VTI1B: variants seen among roughly 807,000 people sequenced by gnomAD.
VTI1B encodes the protein vesicle transport through interaction with t-SNAREs 1B.
VTI1B carries 18 observed loss-of-function variants against 28.6 expected under a neutral mutation model. The observed-to-expected ratio is 0.63, with a 90% confidence interval of 0.43 to 0.93. The LOEUF (loss-of-function observed/expected upper bound fraction) is 0.93. Among genes scored for constraint, VTI1B ranks in the 40% least tolerant of loss-of-function variants. The pLI is 0.00. For missense variants in VTI1B, 283 were observed against 297.0 expected, an observed-to-expected ratio of 0.95 and a Z score of 0.35; for synonymous variants, 100 against 107.9, an observed-to-expected ratio of 0.93 and a Z score of 0.46.
At chr14:67,662,997 C>T in intron 1 of VTI1B, 1 of 1,393,678 alleles carries the variant, frequency 7.2e-7, no homozygotes, top group East Asian at 2.7e-5. Context: ...AACTCGTACA[C>T]TACTTTTCTG....
At chr14:67,659,215 G>A (rs1056970759) in intron 3 of VTI1B, among the ~76,000 whole-genome samples, 5 of 152,160 alleles carry the variant, frequency 3.3e-5, no homozygotes, top group Non-Finnish European at 7.3e-5. Context: ...TTCTCGAGAA[G>A]CGCCCTGCAT....
chr14:67,671,497 G>C (rs1448637736), intron 1 of VTI1B, among the ~76,000 whole-genome samples: 1 of 152,084 alleles, frequency 6.6e-6, no homozygotes, highest in African/African-American at 2.4e-5. Flanking sequence ...CTGCACTCCA[G>C]CCTGGGCGAC....
In VTI1B at chr14:67,651,225, A is replaced by G; in HGVS notation, c.*160T>C. On this transcript the variant is annotated 3_prime_UTR_variant, in exon 6 of 6. Coordinates refer to ENST00000554659, the MANE Select transcript of VTI1B (RefSeq NM_006370.3). The stretch of plus-strand genomic sequence containing the variant: ...TGTTGCTGTTGTTCCTTCACATTTA[A>G]GTGGTTTTTCATCTTTCCTCCCTCC... 7.2e-7 allele frequency: 1 copy of G among 1,390,010 alleles called. No homozygotes were observed. The highest frequency in any genetic ancestry group is 9.6e-7 in the Non-Finnish European group (1 of 1,040,468). 86.1% of individuals were successfully genotyped at this position (1,390,010 alleles called of 1,614,324 possible). A position where few individuals can be genotyped will look rare whatever the true frequency, so the allele number is the denominator to read the frequency against.
intron 1 of VTI1B, among the ~76,000 whole-genome samples, chr14:67,670,773 G>A (rs978379887): frequency 2.0e-5 from 3 of 152,110 alleles, no homozygotes; most frequent in Admixed American, 6.5e-5. Context: ...TGATCCGCCC[G>A]CCTAGGCCTC....
In VTI1B at chr14:67,651,016, C is replaced by T; in HGVS notation, c.*369G>A. The T allele has an allele frequency of 7.9e-7, 1 of 1,262,294 alleles. No individual in the cohort carries two copies. The highest frequency in any genetic ancestry group is 1.3e-5 in the South Asian group (1 of 76,988). 78.2% of individuals were successfully genotyped at this position (1,262,294 alleles called of 1,614,324 possible). ...TACTAAATGGTTGTCTGGGTCAATA[C>T]TGCCTTAATGAGAACATTTACACAT... On this transcript the variant is annotated 3_prime_UTR_variant, in exon 6 of 6. Transcript: ENST00000554659.
In VTI1B at chr14:67,647,247, GA is replaced by G; in HGVS notation, c.*4137del. 1 of 435,524 alleles carries G rather than the reference GA, an allele frequency of 2.3e-6. No homozygotes were observed. The highest frequency in any genetic ancestry group is 4.1e-6 in the Non-Finnish European group (1 of 246,132). 27.0% of individuals were successfully genotyped at this position (435,524 alleles called of 1,614,324 possible). ...TCATTGCCTAGATCTTCTGTCTCAT[GA>G]ATTTTTCTTTATCTCCATCTTTAAT... On this transcript the variant is annotated 3_prime_UTR_variant, in exon 6 of 6. Transcript: ENST00000554659.
At chr14:67,674,002 C>A (rs2037501164) in intron 1 of VTI1B, among the ~76,000 whole-genome samples, 1 of 152,196 alleles carries the variant, frequency 6.6e-6, no homozygotes, top group South Asian at 2.1e-4. Flanking sequence ...CTCTGTCAGT[C>A]TGGTGAAAAC....
rs758615579 is a variant in VTI1B at position 67,650,664 on chromosome 14, TGA to T, written c.*719_*720del. 7.7e-6 allele frequency: 12 copies of T among 1,560,462 alleles called. No individual in the cohort carries two copies. The Admixed American group carries it at 1.2e-4, about 15-fold the overall frequency. On this transcript the variant is annotated 3_prime_UTR_variant, in exon 6 of 6. Transcript: ENST00000554659. ...CCTGTCCCAGTGGGATGACCCTCAC[TGA>T]GAGTAGCAGCAAGGGAACCTGAGGT...
chr14:67,653,508 G>T lies in VTI1B; in HGVS notation c.541-10C>A. 6.2e-7 allele frequency: 1 copy of T among 1,611,456 alleles called. No homozygotes were observed. The highest frequency in any genetic ancestry group is 1.1e-5 in the South Asian group (1 of 90,992). ...CACTTGTGTTTACCAGCTGAGAAGAGAAAATAGTGATTATTTCCCTCTTTA... is the reference window on the plus strand; with the variant it reads ...CACTTGTGTTTACCAGCTGAGAAGATAAAATAGTGATTATTTCCCTCTTTA... On this transcript the variant is annotated splice_polypyrimidine_tract_variant and intron_variant, in intron 4 of 5. Coordinates refer to ENST00000554659, the MANE Select transcript of VTI1B (RefSeq NM_006370.3).
chr14:67,663,472 G>A (rs1354486061), intron 1 of VTI1B, among the ~76,000 whole-genome samples: 1 of 152,014 alleles, frequency 6.6e-6, no homozygotes, highest in Non-Finnish European at 1.5e-5. Context: ...AGGAGATCGA[G>A]ACCATCCTGC....
Position 67,674,536 on chromosome 14 carries a change from G to C in VTI1B, c.-47C>G. 6.6e-7 allele frequency: 1 copy of C among 1,510,740 alleles called. No homozygotes were observed. Among genetic ancestry groups the C allele is most frequent in the Non-Finnish European group, 8.9e-7 (1 of 1,127,236 alleles). 93.6% of individuals were successfully genotyped at this position (1,510,740 alleles called of 1,614,324 possible). A position where few individuals can be genotyped will look rare whatever the true frequency, so the allele number is the denominator to read the frequency against. On this transcript the variant is annotated 5_prime_UTR_variant, in exon 1 of 6. Transcript: ENST00000554659. ...GCGGCCACCGAGATTCGGGGCCCTG[G>C]GCCCTTTCCTAGCCCGGCGGTCAGC...
chr14:67,672,971 T>C (rs956427459), intron 1 of VTI1B, among the ~76,000 whole-genome samples: 2 of 152,234 alleles, frequency 1.3e-5, no homozygotes, highest in Non-Finnish European at 2.9e-5. Context: ...TTAAAGGCAT[T>C]TGCAGTGCTA....
At chr14:67,661,851 C>T (rs1392185297) in intron 2 of VTI1B, among the ~76,000 whole-genome samples, 7 of 152,090 alleles carry the variant, frequency 4.6e-5, no homozygotes, top group Non-Finnish European at 8.8e-5. Flanking sequence ...ATCTTAATGG[C>T]CAGCTCTTAA....
rs373093730 is a variant in VTI1B, at chr14:67,659,817, C to G, written c.280G>C (p.Glu94Gln). 145 of 1,614,030 alleles carry G rather than the reference C, an allele frequency of 9.0e-5. No homozygotes were observed. The highest frequency in any genetic ancestry group is 1.2e-4 in the Non-Finnish European group (139 of 1,180,026). ...YRKDLAKLHR[E>Q]VRSTPLTATP... Reference sequence around the variant, plus strand: ...GCTGTCAAAGGTGTGCTTCTCACCTCCCGATGGAGTTTAGCAAGGTCCTTC... The same window carrying G: ...GCTGTCAAAGGTGTGCTTCTCACCTGCCGATGGAGTTTAGCAAGGTCCTTC... Residue 94 changes from glutamate (E) to glutamine (Q), a missense_variant, in exon 3 of 6, where the codon GAG becomes CAG. Physicochemically the swap from Glu to Gln is conservative, Grantham distance 29 (BLOSUM62 2). Coordinates refer to ENST00000554659, the MANE Select transcript of VTI1B (RefSeq NM_006370.3).
At chr14:67,658,002 G>C (rs1053739182) in intron 3 of VTI1B, among the ~76,000 whole-genome samples, 3 of 152,132 alleles carry the variant, frequency 2.0e-5, no homozygotes, top group African/African-American at 4.8e-5. Context: ...ACCAGCCTCA[G>C]CCTCCCAAGG....
chr14:67,668,889 A>G (rs1397755008), intron 1 of VTI1B, among the ~76,000 whole-genome samples: 1 of 152,218 alleles, frequency 6.6e-6, no homozygotes, highest in African/African-American at 2.4e-5. Context: ...AAGGAAGACA[A>G]ACAATATACT....
chr14:67,663,469 C>T (rs1042245475), intron 1 of VTI1B, among the ~76,000 whole-genome samples: 1 of 152,008 alleles, frequency 6.6e-6, no homozygotes, highest in East Asian at 1.9e-4. Flanking sequence ...GTCAGGAGAT[C>T]GAGACCATCC....
chr14:67,662,122 C>T (rs896747181), intron 2 of VTI1B, among the ~76,000 whole-genome samples: 1 of 151,868 alleles, frequency 6.6e-6, no homozygotes, highest in Non-Finnish European at 1.5e-5. Flanking sequence ...TGCCACTGCA[C>T]TCCAGCTTGG....
rs1566808234 is a variant in VTI1B, at chr14:67,650,576, C to A, written c.*809G>T. 2.9e-6 allele frequency: 2 copies of A among 700,558 alleles called. No individual in the cohort carries two copies. Among genetic ancestry groups the A allele is most frequent in the South Asian group, 3.6e-5 (2 of 56,096 alleles). The allele number at this position is 700,558 out of a possible 1,614,324, so 43.4% of individuals were successfully genotyped here. ...GGCCAAGAGGATGAGGTGCAAGGGGCTTCCTAAAAATAGGTATTTTCTACT... is the reference window on the plus strand; with the variant it reads ...GGCCAAGAGGATGAGGTGCAAGGGGATTCCTAAAAATAGGTATTTTCTACT... On this transcript the variant is annotated 3_prime_UTR_variant, in exon 6 of 6. Coordinates refer to ENST00000554659, the MANE Select transcript of VTI1B (RefSeq NM_006370.3).
Sources: gnomAD v4.1 joint callset for allele counts (sites outside exome capture counted in the v4.1 genomes callset) on GRCh38, gnomAD v4.1.1 for gene constraint, MANE v1.5 for transcripts, NCBI Gene and HGNC (gene_info 2026-07-23, HGNC 2026-07-21) for gene names.